MTA1: variants seen among roughly 807,000 people sequenced by gnomAD.
MTA1 encodes the protein metastasis associated 1, also known as metastasis-associated protein MTA1.
MTA1 carries 15 observed loss-of-function variants against 97.0 expected under a neutral mutation model. The ratio of observed to expected loss-of-function variants is 0.15; its 90% confidence interval spans 0.10 to 0.24. The LOEUF (loss-of-function observed/expected upper bound fraction) is 0.24, where lower values mean the gene tolerates loss of function less well. MTA1 is among the 10% of genes least tolerant of loss of function. The pLI, the probability that MTA1 is intolerant of heterozygous loss-of-function variation, is 1.00. For synonymous variants in MTA1, 435 were observed against 417.5 expected (o/e 1.04, Z -0.51); for missense variants, 709 against 1,015.1 (o/e 0.70, Z 4.10).
chr14:105,466,985 G>A (rs1248172232), intron 18 of MTA1: 6 of 575,462 alleles, frequency 1.0e-5, no homozygotes, highest in African/African-American at 1.9e-5. Context: ...GACTGTCCTG[G>A]CACGTGTGGC....
intron 1 of MTA1, among the ~76,000 whole-genome samples, chr14:105,428,298 T>G (rs1253526378): frequency 3.3e-5 from 5 of 152,124 alleles, no homozygotes; most frequent in Non-Finnish European, 7.3e-5. Context: ...CTGGCGTCTT[T>G]CTTTTTTTTT....
In MTA1 at chr14:105,437,091, A is replaced by C. The variant is rs1173916958; in HGVS notation, c.29-1581A>C. Among the ~76,000 whole-genome samples the C allele has an allele frequency of 3.3e-5, 5 of 152,288 alleles. No individual in the cohort carries two copies. The East Asian group carries it at 9.7e-4, about 29-fold the overall frequency. On this transcript the variant is annotated intron_variant, in intron 1 of 20. Transcript: ENST00000331320. Reference sequence around the variant, plus strand: ...CTAGCCCGTTGTCCTGTGGAGCTCTATGTGGGCGTAGCCTCATCTGATCAG... The same window carrying C: ...CTAGCCCGTTGTCCTGTGGAGCTCTCTGTGGGCGTAGCCTCATCTGATCAG...
chr14:105,452,133 A>G (rs2082968301), intron 6 of MTA1, among the ~76,000 whole-genome samples: 1 of 152,178 alleles, frequency 6.6e-6, no homozygotes, highest in East Asian at 1.9e-4. Context: ...GAACAGCCCC[A>G]ATATGGGAAT....
Position 105,463,099 on chromosome 14 carries a change from T to C in MTA1, c.943-85T>C, listed in dbSNP as rs587744578. On this transcript the variant is annotated intron_variant, in intron 10 of 20. Transcript: ENST00000331320. The surrounding 1 kb of genome is among the most constrained non-coding windows in gnomAD (Gnocchi z 5.9). ...CTGGCCTCCCGCCCCCTCTGTGGCC[T>C]TCTGGCCGCAGCCCTGCCCCTGCCT... 5 of 1,375,274 alleles carry C rather than the reference T, an allele frequency of 3.6e-6. No homozygotes were observed. In the South Asian group the frequency reaches 6.1e-5, roughly 17 times the overall value. 85.2% of individuals were successfully genotyped at this position (1,375,274 alleles called of 1,614,324 possible). A position where few individuals can be genotyped will look rare whatever the true frequency, so the allele number is the denominator to read the frequency against.
chr14:105,466,795 G>A, intron 18 of MTA1, 53 bp downstream of exon 18: 68 of 1,538,724 alleles, frequency 4.4e-5, no homozygotes, highest in Non-Finnish European at 5.8e-5. Flanking sequence ...CGTGATGCCT[G>A]TGCTGTGCTG....
chr14:105,454,447 C>T (rs2083065466), intron 7 of MTA1, 137 bp downstream of exon 7: 1 of 656,918 alleles, frequency 1.5e-6, no homozygotes, highest in Admixed American at 2.2e-5. Flanking sequence ...TAGGCCTGGG[C>T]TCTGTCCACA....
intron 19 of MTA1, 94 bp from the exon 20 acceptor site, chr14:105,469,747 G>C: frequency 7.0e-7 from 1 of 1,427,788 alleles, no homozygotes; most frequent in South Asian, 1.3e-5. Context: ...GTGGTGGGGG[G>C]TTGGCCAGGC....
In MTA1 at chr14:105,420,304, G is replaced by A. The variant is rs1359222732; in HGVS notation, c.28+241G>A. 7.3e-5 allele frequency among the ~76,000 whole-genome samples: 11 copies of A among 150,166 alleles called. No homozygotes were observed. The highest frequency in any genetic ancestry group is 2.7e-4 in the African/African-American group (11 of 41,188). On this transcript the variant is annotated intron_variant, in intron 1 of 20. Coordinates refer to ENST00000331320, the MANE Select transcript of MTA1 (RefSeq NM_004689.4). The surrounding 1 kb of genome is among the most constrained non-coding windows in gnomAD (Gnocchi z 5.3). ...CCCGGGGGTGGGGGGCGGCCCACCTGTTGGGGCCGAGGGGGCGGCCGCGGG... is the reference window on the plus strand; with the variant it reads ...CCCGGGGGTGGGGGGCGGCCCACCTATTGGGGCCGAGGGGGCGGCCGCGGG...
intron 3 of MTA1, among the ~76,000 whole-genome samples, chr14:105,446,320 G>A (rs1177739153): frequency 1.3e-5 from 2 of 152,230 alleles, no homozygotes; most frequent in South Asian, 2.1e-4. Flanking sequence ...ACCTGGGGTG[G>A]GATCTGAGCC....
chr14:105,465,285 C>G, intron 16 of MTA1, 102 bp downstream of exon 16: 3 of 1,038,538 alleles, frequency 2.9e-6, no homozygotes, highest in Non-Finnish European at 4.0e-6. Flanking sequence ...GCTGGGAGCT[C>G]CTGGACAGCC....
At position 105,424,507 on chromosome 14, in the gene MTA1, T is replaced by G. The variant is rs1418498360; in HGVS notation, c.28+4444T>G. Among the ~76,000 whole-genome samples the G allele has an allele frequency of 6.6e-6, 1 of 151,164 alleles. No homozygotes were observed. The highest frequency in any genetic ancestry group is 2.1e-4 in the South Asian group (1 of 4,776). On this transcript the variant is annotated intron_variant, in intron 1 of 20. Coordinates refer to ENST00000331320, the MANE Select transcript of MTA1 (RefSeq NM_004689.4). The surrounding 1 kb of genome is among the most constrained non-coding windows in gnomAD (Gnocchi z 4.0). ...TGAGCCACTGCGTCTGGCTTTTTTT[T>G]TTGTTTTTGAGACAGTCTCACTCTG...
intron 1 of MTA1, among the ~76,000 whole-genome samples, chr14:105,429,901 C>A (rs999157376): frequency 1.4e-4 from 21 of 151,726 alleles, no homozygotes; most frequent in Non-Finnish European, 2.6e-4. Context: ...GGATTACAGG[C>A]ACACACCACC....
chr14:105,426,366 T>G (rs1456788303), intron 1 of MTA1, among the ~76,000 whole-genome samples: 1 of 132,430 alleles, frequency 7.6e-6, no homozygotes, highest in Admixed American at 8.1e-5. Context: ...AGAGCGAGAC[T>G]TCGTCTCACA....
intron 1 of MTA1, among the ~76,000 whole-genome samples, chr14:105,435,105 T>C (rs587743320): frequency 6.6e-6 from 1 of 152,310 alleles, no homozygotes; most frequent in East Asian, 1.9e-4. Flanking sequence ...AGCTGTAGGT[T>C]TTTTGTAAAT....
At chr14:105,465,054 TG>T in intron 15 of MTA1, 39 bp from the exon 16 acceptor site, 2 of 1,476,458 alleles carry the variant, frequency 1.4e-6, no homozygotes, top group Non-Finnish European at 9.0e-7. Flanking sequence ...CGTGCTCCCC[TG>T]GGGGTGCCCC....
At chr14:105,456,445 G>T (rs1362109652) in intron 7 of MTA1, among the ~76,000 whole-genome samples, 2 of 152,200 alleles carry the variant, frequency 1.3e-5, no homozygotes, top group African/African-American at 4.8e-5. Flanking sequence ...CGAGCCAGCC[G>T]CAGGAGCCGG....
intron 18 of MTA1, chr14:105,469,229 T>C (rs2141720498): frequency 1.6e-6 from 1 of 612,122 alleles, no homozygotes; most frequent in South Asian, 1.8e-5. Flanking sequence ...CCTGGCCTCC[T>C]GCCTGGAGCC....
rs1338801854 is a variant in MTA1, at chr14:105,458,336, C to T, written c.617C>T (p.Thr206Ile). Residue 206 changes from threonine to isoleucine, a missense_variant, in exon 8 of 21, where the codon ACA (threonine) becomes ATA (isoleucine). Around this residue, in one of 2 missense-constraint regions of MTA1, gnomAD observed 321 missense variants for 593.5 expected, o/e 0.54. Transcript: ENST00000331320. ...TQVWEAHNPL[T>I]DKQIDQFLVV... ...GTGTGGGAGGCGCACAACCCACTCACAGACAAGCAGATCGACCAGTTCCTG... is the reference window on the plus strand; with the variant it reads ...GTGTGGGAGGCGCACAACCCACTCATAGACAAGCAGATCGACCAGTTCCTG... 1.9e-6 allele frequency: 3 copies of T among 1,612,682 alleles called. No homozygotes were observed. The highest frequency in any genetic ancestry group is 2.5e-6 in the Non-Finnish European group (3 of 1,179,952).
intron 10 of MTA1, 115 bp downstream of exon 10, chr14:105,461,068 G>T: frequency 9.0e-7 from 1 of 1,106,872 alleles, no homozygotes; most frequent in Non-Finnish European, 1.3e-6. Flanking sequence ...CCTGCACCCT[G>T]ATTCCCTGTG....
Sources: gnomAD v4.1 joint callset for allele counts (sites outside exome capture counted in the v4.1 genomes callset) on GRCh38, gnomAD v4.1.1 for gene constraint, gnomAD v4.1.1 regional missense constraint, Gnocchi (gnomAD v3.1) non-coding constraint, MANE v1.5 for transcripts, NCBI Gene and HGNC (gene_info 2026-07-23, HGNC 2026-07-21) for gene names.